VWA5B1: variants seen among roughly 807,000 people sequenced by gnomAD.
VWA5B1 encodes the protein von Willebrand factor A domain-containing protein 5B1.
VWA5B1 carries 115 observed loss-of-function variants against 118.2 expected under a neutral mutation model. The ratio of observed to expected loss-of-function variants is 0.97; its 90% CI spans 0.84 to 1.14. The LOEUF (loss-of-function observed/expected upper bound fraction) is 1.14, where lower values mean the gene tolerates loss of function less well. VWA5B1 is among the 50% of genes most tolerant of loss of function. The pLI is 0.00. For synonymous variants in VWA5B1, 682 were observed against 658.4 expected (o/e 1.04, Z -0.55); for missense variants, 1,596 against 1,603.8 (o/e 1.00, Z 0.08).
At chr1:20,303,940 A>C (rs879266643) in intron 1 of VWA5B1, among the ~76,000 whole-genome samples, 1 of 152,178 alleles carries the variant, frequency 6.6e-6, no homozygotes, top group Non-Finnish European at 1.5e-5. Flanking sequence ...GTTTCCATTC[A>C]GCTTGGCCAC....
intron 12 of VWA5B1, among the ~76,000 whole-genome samples, chr1:20,335,335 T>C (rs1316679497): frequency 6.6e-6 from 1 of 152,100 alleles, no homozygotes; most frequent in Admixed American, 6.5e-5. Flanking sequence ...CAGAAAGTAA[T>C]AGTTGAAATG....
chr1:20,359,422 G>A lies in VWA5B1; in HGVS notation c.*5159G>A, dbSNP rs1372308918. Among the ~76,000 whole-genome samples the A allele has an allele frequency of 1.3e-5, 2 of 152,128 alleles. No individual in the cohort carries two copies. The highest frequency in any genetic ancestry group is 2.9e-5 in the Non-Finnish European group (2 of 68,026). On this transcript the variant is annotated 3_prime_UTR_variant, in exon 22 of 22. Coordinates refer to ENST00000289815, the MANE Select transcript of VWA5B1 (RefSeq NM_001039500.3). ...ACTAATACTCAGCAAATCCTACCAT[G>A]GGGCTGTGTGTGTGTCTGTTCTCAA...
chr1:20,321,043 C>G (rs1258576295), intron 7 of VWA5B1, among the ~76,000 whole-genome samples: 2 of 136,536 alleles, frequency 1.5e-5, no homozygotes, highest in Non-Finnish European at 3.0e-5. Context: ...CCTGGTTTAG[C>G]AAGGAGAGGG....
At chr1:20,321,524 G>A (rs1032253169) in intron 7 of VWA5B1, among the ~76,000 whole-genome samples, 11 of 152,240 alleles carry the variant, frequency 7.2e-5, no homozygotes, top group African/African-American at 2.7e-4. Flanking sequence ...GTTGGAGGTT[G>A]CAGTGAGCCG....
Position 20,354,907 on chromosome 1 carries a change from T to G in VWA5B1, c.*644T>G, listed in dbSNP as rs1487196069. Reference sequence around the variant, plus strand: ...GGGCCTTTTGTTTTGGCTAGGAAGCTTCCTTAATACATACTAGTATTGCCT... The same window carrying G: ...GGGCCTTTTGTTTTGGCTAGGAAGCGTCCTTAATACATACTAGTATTGCCT... On this transcript the variant is annotated 3_prime_UTR_variant, in exon 22 of 22. Coordinates refer to ENST00000289815, the MANE Select transcript of VWA5B1 (RefSeq NM_001039500.3). The G allele has an allele frequency of 1.3e-5, 2 of 152,472 alleles. No homozygotes were observed. The highest frequency in any genetic ancestry group is 2.9e-5 in the Non-Finnish European group (2 of 68,300). The allele number at this position is 152,472 out of a possible 1,614,324, so 9.4% of individuals were successfully genotyped here.
intron 1 of VWA5B1, among the ~76,000 whole-genome samples, chr1:20,294,789 A>G (rs534319043): frequency 1.3e-5 from 2 of 152,142 alleles, no homozygotes; most frequent in Admixed American, 6.5e-5. Flanking sequence ...GGGTTTCTCC[A>G]TGTTGGTCTG....
chr1:20,321,871 G>A (rs1358355769), intron 7 of VWA5B1, among the ~76,000 whole-genome samples: 1 of 152,182 alleles, frequency 6.6e-6, no homozygotes, highest in African/African-American at 2.4e-5. Context: ...GAGGTGGACA[G>A]GCAGGCAGGG....
intron 6 of VWA5B1, 61 bp downstream of exon 6, chr1:20,318,782 TGGG>T (rs1323315415): frequency 4.0e-5 from 58 of 1,437,044 alleles, no homozygotes; most frequent in Non-Finnish European, 5.2e-5. Flanking sequence ...GCTGATCCTG[TGGG>T]GACAGAACAT....
In VWA5B1 at chr1:20,323,411, T is replaced by A; in HGVS notation, c.1022T>A (p.Met341Lys). ...GACATTCCCCACCACTCCGTCATCA[T>A]GCTCAACTTCTGTCCCGACCTCCAG... The part of the protein sequence containing the change: ...HKDIPHHSVI[M>K]LNFCPDLQSV... Residue 341 changes from methionine (M) to lysine (K), a missense_variant, in exon 8 of 22, where the codon ATG becomes AAG. Coordinates refer to ENST00000289815, the MANE Select transcript of VWA5B1 (RefSeq NM_001039500.3). 3 of 1,531,762 alleles carry A rather than the reference T, an allele frequency of 2.0e-6. No individual in the cohort carries two copies. The South Asian group carries it at 3.7e-5, about 19-fold the overall frequency. 94.9% of individuals were successfully genotyped at this position (1,531,762 alleles called of 1,614,324 possible).
chr1:20,325,166 C>T (rs1253148270), intron 8 of VWA5B1, among the ~76,000 whole-genome samples: 1 of 152,218 alleles, frequency 6.6e-6, no homozygotes, highest in Non-Finnish European at 1.5e-5. Flanking sequence ...CCTTCTATGT[C>T]TTGCTTCAGA....
chr1:20,327,903 T>G lies in VWA5B1; in HGVS notation c.1157T>G (p.Val386Gly), dbSNP rs2089436302. Residue 386 changes from valine to glycine, a missense_variant, in exon 9 of 22, where the codon GTG (valine) becomes GGG (glycine). Physicochemically the swap from Val to Gly is moderately radical, Grantham distance 109. Transcript: ENST00000289815. ...SMHRVKDAML[V>G]ALKSLMPACL... ...CTCTCCTGCCAGGATGCCATGTTGG[T>G]GGCCCTTAAGAGCCTCATGCCAGCC... is the stretch of plus-strand genomic sequence containing the variant. The G allele has an allele frequency of 6.4e-7, 1 of 1,551,628 alleles. No homozygotes were observed. Among genetic ancestry groups the G allele is most frequent in the African/African-American group, 1.4e-5 (1 of 73,136 alleles).
chr1:20,308,969 G>A (rs553758905), intron 1 of VWA5B1, among the ~76,000 whole-genome samples: 1 of 152,286 alleles, frequency 6.6e-6, no homozygotes, highest in South Asian at 2.1e-4. Context: ...GAAAACCAGA[G>A]GGAATCTGAC....
At chr1:20,324,676 C>A (rs972991993) in intron 8 of VWA5B1, among the ~76,000 whole-genome samples, 1 of 152,028 alleles carries the variant, frequency 6.6e-6, no homozygotes, top group Non-Finnish European at 1.5e-5. Context: ...AGTTTGTTCC[C>A]AGAGCAAGCT....
At chr1:20,353,687 CT>C in intron 21 of VWA5B1, 69 bp from the exon 22 acceptor site, 11 of 1,432,040 alleles carry the variant, frequency 7.7e-6, no homozygotes, top group Non-Finnish European at 1.0e-5. Context: ...TGGATCCAGA[CT>C]TTTGCATGGC....
intron 1 of VWA5B1, among the ~76,000 whole-genome samples, chr1:20,293,465 C>T (rs1315530844): frequency 6.6e-6 from 1 of 152,222 alleles, no homozygotes; most frequent in Non-Finnish European, 1.5e-5. Context: ...TACCGGTTGT[C>T]CTCTCTGCTA....
chr1:20,340,199 G>A (rs199745143), intron 14 of VWA5B1, among the ~76,000 whole-genome samples: 212 of 148,770 alleles, frequency 1.4e-3, no homozygotes, highest in Non-Finnish European at 2.7e-3. Context: ...ATATGTGCGC[G>A]CACACACACA....
Position 20,358,735 on chromosome 1 carries a change from T to C in VWA5B1, c.*4472T>C, listed in dbSNP as rs2090272346. 6.6e-6 allele frequency among the ~76,000 whole-genome samples: 1 copy of C among 152,262 alleles called. No individual in the cohort carries two copies. ...CATTGCCTTGGCATCTGGAAGATTTTGTTCTTACCAATCTAGCAGAGACTA... is the reference window on the plus strand; with the variant it reads ...CATTGCCTTGGCATCTGGAAGATTTCGTTCTTACCAATCTAGCAGAGACTA... On this transcript the variant is annotated 3_prime_UTR_variant, in exon 22 of 22. Coordinates refer to ENST00000289815, the MANE Select transcript of VWA5B1 (RefSeq NM_001039500.3).
chr1:20,323,222 C>G (rs540157899), intron 7 of VWA5B1, 134 bp from the exon 8 acceptor site: 2 of 807,762 alleles, frequency 2.5e-6, no homozygotes, highest in African/African-American at 3.6e-5. Context: ...GAGCTGAGCA[C>G]AGTCAGCCCG....
chr1:20,319,696 G>A (rs748395501), intron 7 of VWA5B1, among the ~76,000 whole-genome samples, 190 bp downstream of exon 7: 9 of 152,174 alleles, frequency 5.9e-5, no homozygotes, highest in African/African-American at 7.2e-5. Flanking sequence ...CAAATGCCCC[G>A]TCATCCTGGC....
Sources: allele counts gnomAD v4.1 joint callset (sites outside exome capture counted in the v4.1 genomes callset), GRCh38; gene constraint gnomAD v4.1.1; transcripts MANE v1.5; gene names NCBI Gene and HGNC (gene_info 2026-07-23, HGNC 2026-07-21).